PAFAH1B1: variants seen among roughly 807,000 people sequenced by gnomAD.
PAFAH1B1 encodes the protein platelet-activating factor acetylhydrolase IB subunit beta.
In PAFAH1B1, 2 loss-of-function variants were observed where a neutral mutation model predicts 57.5. That is an observed-to-expected ratio of 0.03 (90% confidence interval 0.01 to 0.11). The LOEUF (loss-of-function observed/expected upper bound fraction) is 0.11, where lower values mean the gene tolerates loss of function less well. PAFAH1B1 is among the 10% of genes least tolerant of loss of function. PAFAH1B1 has a pLI of 1.00. For missense variants in PAFAH1B1, 257 were observed against 512.0 expected, an observed-to-expected ratio of 0.50 and a Z score of 4.81; for synonymous variants, 152 against 169.6, an observed-to-expected ratio of 0.90 and a Z score of 0.81.
At position 2,593,829 on chromosome 17, in the gene PAFAH1B1, T is replaced by C. The variant is rs904167241; in HGVS notation, c.-368T>C. The C allele has an allele frequency of 2.4e-5, 9 of 380,470 alleles. No individual in the cohort carries two copies. Among genetic ancestry groups the C allele is most frequent in the African/African-American group, 6.3e-5 (3 of 47,458 alleles). The allele number at this position is 380,470 out of a possible 1,614,324, so 23.6% of individuals were successfully genotyped here. ...GCTTGGACTCGAGCCCCGGAACGGC[T>C]GAGGAGCCCGCCCGCTCCCCTCCCC... On this transcript the variant is annotated 5_prime_UTR_variant, in exon 1 of 11. Coordinates refer to ENST00000397195, the MANE Select transcript of PAFAH1B1 (RefSeq NM_000430.4).
At chr17:2,657,302 G>A (rs1400515413) in intron 2 of PAFAH1B1, among the ~76,000 whole-genome samples, 1 of 152,172 alleles carries the variant, frequency 6.6e-6, no homozygotes, top group Admixed American at 6.5e-5. Flanking sequence ...GTAAGGCAGT[G>A]GCGCCATCTT....
At chr17:2,613,407 A>T (rs545750685) in intron 1 of PAFAH1B1, 193 of 242,646 alleles carry the variant, frequency 8.0e-4, no homozygotes, top group African/African-American at 4.2e-3. Flanking sequence ...GTCATGGGGG[A>T]CAAGGGCTGC....
At chr17:2,626,750 T>C (rs943751248) in intron 1 of PAFAH1B1, among the ~76,000 whole-genome samples, 6 of 152,054 alleles carry the variant, frequency 3.9e-5, no homozygotes, top group African/African-American at 1.4e-4. Flanking sequence ...AGATAGGGTT[T>C]CACCATATTG....
intron 1 of PAFAH1B1, among the ~76,000 whole-genome samples, chr17:2,615,865 A>C (rs554438892): frequency 1.3e-5 from 2 of 152,222 alleles, no homozygotes; most frequent in African/African-American, 2.4e-5. Context: ...ATAAGGATGC[A>C]CCCAGGAGGT....
At chr17:2,652,859 G>A (rs2068882605) in intron 2 of PAFAH1B1, among the ~76,000 whole-genome samples, 1 of 152,162 alleles carries the variant, frequency 6.6e-6, no homozygotes, top group Non-Finnish European at 1.5e-5. Context: ...AGTCAGTGTG[G>A]CGATTCCTCA....
At chr17:2,602,976 T>G (rs192599634) in intron 1 of PAFAH1B1, among the ~76,000 whole-genome samples, 1 of 152,276 alleles carries the variant, frequency 6.6e-6, no homozygotes. Flanking sequence ...TTAACACAGT[T>G]TGCTAGGTCT....
chr17:2,678,497 C>T (rs139958533), intron 9 of PAFAH1B1, among the ~76,000 whole-genome samples: 14 of 151,498 alleles, frequency 9.2e-5, no homozygotes, highest in Admixed American at 3.3e-4. Flanking sequence ...ACCTGGGAGA[C>T]GGAGGTTGCA....
At position 2,683,522 on chromosome 17, in the gene PAFAH1B1, A is replaced by G. The variant is rs2069418988; in HGVS notation, c.*1720A>G. On this transcript the variant is annotated 3_prime_UTR_variant, in exon 11 of 11. Transcript: ENST00000397195. ...TAGATACACACAGAGACTAGGCCGT[A>G]TATTAACTAGAAGCAGCTTTATGTC... 6.6e-6 allele frequency: 1 copy of G among 152,254 alleles called. No individual in the cohort carries two copies. Among genetic ancestry groups the G allele is most frequent in the African/African-American group, 2.4e-5 (1 of 41,470 alleles). 9.4% of individuals were successfully genotyped at this position (152,254 alleles called of 1,614,324 possible). A position where few individuals can be genotyped will look rare whatever the true frequency, so the allele number is the denominator to read the frequency against.
intron 1 of PAFAH1B1, among the ~76,000 whole-genome samples, chr17:2,600,676 A>G (rs1387783572): frequency 2.0e-5 from 3 of 152,112 alleles, no homozygotes; most frequent in African/African-American, 4.8e-5. Flanking sequence ...TGCTAACTAC[A>G]AAAGAAAGAA....
intron 1 of PAFAH1B1, among the ~76,000 whole-genome samples, chr17:2,621,890 AC>A (rs2068429380): frequency 2.0e-5 from 3 of 152,124 alleles, no homozygotes; most frequent in Admixed American, 2.0e-4. Flanking sequence ...GTTTAATTGG[AC>A]TTACAGTTCC....
At chr17:2,619,537 T>TTTTTTTTTGG (rs1204028723) in intron 1 of PAFAH1B1, among the ~76,000 whole-genome samples, 17 of 41,376 alleles carry the variant, frequency 4.1e-4, no homozygotes, top group African/African-American at 1.4e-3. Context: ...CCCTTACCTG[T>TTTTTTTTTGG]TTTTTTTTTG....
chr17:2,614,315 C>T (rs2068310331), intron 1 of PAFAH1B1, among the ~76,000 whole-genome samples: 1 of 152,064 alleles, frequency 6.6e-6, no homozygotes. Context: ...AGCCGTGGCA[C>T]TTACCTAGCC....
At chr17:2,613,115 TTTTC>T (rs146204618) in intron 1 of PAFAH1B1, among the ~76,000 whole-genome samples, 40,326 of 150,726 alleles carry the variant, frequency 0.27, 5,633 homozygotes, top group Middle Eastern at 0.34. Flanking sequence ...AACCATATCT[TTTTC>T]TTTCTTTTTT....
chr17:2,598,254 A>G (rs1439964494), intron 1 of PAFAH1B1, among the ~76,000 whole-genome samples: 1 of 152,108 alleles, frequency 6.6e-6, no homozygotes, highest in Non-Finnish European at 1.5e-5. Context: ...CATCTCAAAA[A>G]ATAAATAAAT....
intron 2 of PAFAH1B1, among the ~76,000 whole-genome samples, chr17:2,643,218 G>A (rs1410120321): frequency 6.6e-6 from 1 of 152,028 alleles, no homozygotes; most frequent in Admixed American, 6.6e-5. Flanking sequence ...TCAGCCTCCC[G>A]AGTAGCTGGG....
chr17:2,680,133 T>C (rs1473690273), intron 9 of PAFAH1B1, 31 bp from the exon 10 acceptor site: 5 of 1,608,754 alleles, frequency 3.1e-6, no homozygotes, highest in Non-Finnish European at 3.4e-6. Context: ...TTTTGCCTTT[T>C]ACTGAGTCAA....
Position 2,681,822 on chromosome 17 carries a change from T to A in PAFAH1B1, c.*20T>A. The A allele has an allele frequency of 6.3e-7, 1 of 1,585,448 alleles. No homozygotes were observed. Among genetic ancestry groups the A allele is most frequent in the Non-Finnish European group, 8.6e-7 (1 of 1,156,320 alleles). On this transcript the variant is annotated 3_prime_UTR_variant, in exon 11 of 11. Transcript: ENST00000397195. Reference sequence around the variant, plus strand: ...CGTTGATTGTGTCTCCTTCGGCCCCTCCTCCCTCTTTTCCTCTGGATGCAC... The same window carrying A: ...CGTTGATTGTGTCTCCTTCGGCCCCACCTCCCTCTTTTCCTCTGGATGCAC...
chr17:2,648,440 GC>G (rs577097481), intron 2 of PAFAH1B1, among the ~76,000 whole-genome samples: 47 of 152,240 alleles, frequency 3.1e-4, no homozygotes, highest in African/African-American at 1.0e-3. Flanking sequence ...ACTTTGGGAA[GC>G]CAAAGTGGGT....
chr17:2,611,756 G>A (rs1321349862), intron 1 of PAFAH1B1, among the ~76,000 whole-genome samples: 1 of 152,184 alleles, frequency 6.6e-6, no homozygotes, highest in East Asian at 1.9e-4. Flanking sequence ...GCCTACAGTA[G>A]TTGTTTAGAA....
Sources: gnomAD v4.1 joint callset for allele counts (sites outside exome capture counted in the v4.1 genomes callset) on GRCh38, gnomAD v4.1.1 for gene constraint, MANE v1.5 for transcripts, NCBI Gene and HGNC (gene_info 2026-07-23, HGNC 2026-07-21) for gene names.